Variants in KCNMA1 observed in about 807,000 individuals in gnomAD.
KCNMA1 encodes Calcium-activated potassium channel subunit alpha-1.
In KCNMA1, 29 loss-of-function variants were observed where a neutral mutation model predicts 140.0. That is an observed-to-expected ratio of 0.21 (90% CI 0.15 to 0.28). The LOEUF (loss-of-function observed/expected upper bound fraction) is 0.28, where lower values mean the gene tolerates loss of function less well. Among genes scored for constraint, KCNMA1 ranks in the 10% least tolerant of loss-of-function variants. The pLI, the probability that KCNMA1 is intolerant of heterozygous loss-of-function variation, is 1.00. For synonymous variants in KCNMA1, 612 were observed against 611.9 expected (o/e 1.00, Z 0.00); for missense variants, 880 against 1,602.2 (o/e 0.55, Z 7.70).
chr10:77,042,953 T>C (rs1457678590), intron 14 of KCNMA1, among the ~76,000 whole-genome samples: 1 of 152,240 alleles, frequency 6.6e-6, no homozygotes, highest in Non-Finnish European at 1.5e-5. Context: ...TATTTTTCTC[T>C]TTGCTAGAGA....
intron 1 of KCNMA1, chr10:77,587,813 T>A: frequency 1.0e-6 from 1 of 985,328 alleles, no homozygotes; most frequent in African/African-American, 1.7e-5. Context: ...GGGCCCCAGG[T>A]GGAGTTATCT....
In KCNMA1 at chr10:77,339,992, A is replaced by G. The variant is rs150964537; in HGVS notation, c.540+63870T>C. Among the ~76,000 whole-genome samples, 314 of 152,338 alleles carry G rather than the reference A, an allele frequency of 2.1e-3. 1 individual carries two copies. Among genetic ancestry groups the G allele is most frequent in the African/African-American group, 7.1e-3 (294 of 41,578 alleles). ...GATGTAGCAGCAGCACTAGTGCCAG[A>G]AACCCCTACATCTAGACTTCTACTT... is the stretch of plus-strand genomic sequence containing the variant. On this transcript the variant is annotated intron_variant, in intron 2 of 27. Transcript: ENST00000286628.
chr10:77,079,471 G>A lies in KCNMA1; in HGVS notation c.1593+10C>T, dbSNP rs200770082. 77 of 1,594,498 alleles carry A rather than the reference G, an allele frequency of 4.8e-5. No homozygotes were observed. Among genetic ancestry groups the A allele is most frequent in the Non-Finnish European group, 5.8e-5 (68 of 1,163,992 alleles). On this transcript the variant is annotated intron_variant, in intron 13 of 27. Coordinates refer to ENST00000286628, the MANE Select transcript of KCNMA1 (RefSeq NM_001161352.2). ...GTCTTCAGACCTGGAGCGGGCTCTC[G>A]CACTCCTACCTTGTTGTGATACTGC...
At chr10:77,439,162 GAAA>G (rs1326240497) in intron 1 of KCNMA1, among the ~76,000 whole-genome samples, 1 of 123,554 alleles carries the variant, frequency 8.1e-6, no homozygotes, top group South Asian at 2.8e-4. Context: ...GAGAAGAGAA[GAAA>G]AGAAAAGAGA....
intron 3 of KCNMA1, among the ~76,000 whole-genome samples, chr10:77,186,476 G>T (rs1482877249): frequency 2.6e-5 from 4 of 152,138 alleles, no homozygotes; most frequent in African/African-American, 4.8e-5. Context: ...GGAGACACAA[G>T]CAAGGAAGCC....
chr10:77,358,142 G>A (rs192971529), intron 2 of KCNMA1, among the ~76,000 whole-genome samples: 5 of 152,264 alleles, frequency 3.3e-5, no homozygotes, highest in Non-Finnish European at 7.4e-5. Flanking sequence ...AATCAGCTGA[G>A]AATCCTCCGT....
chr10:77,327,656 G>A (rs2084711966), intron 2 of KCNMA1, among the ~76,000 whole-genome samples: 1 of 152,060 alleles, frequency 6.6e-6, no homozygotes, highest in Non-Finnish European at 1.5e-5. Flanking sequence ...CGCCTGACCA[G>A]TATCAAATCT....
At chr10:77,380,892 T>A (rs928588872) in intron 2 of KCNMA1, among the ~76,000 whole-genome samples, 1 of 152,206 alleles carries the variant, frequency 6.6e-6, no homozygotes, top group Non-Finnish European at 1.5e-5. Context: ...GAAATGACTT[T>A]TCCATTTCCA....
intron 19 of KCNMA1, among the ~76,000 whole-genome samples, chr10:76,992,961 G>A (rs551288321): frequency 3.9e-5 from 6 of 152,324 alleles, no homozygotes; most frequent in African/African-American, 1.4e-4. Flanking sequence ...CCCCATCGAT[G>A]TAAGGAGACA....
At chr10:77,299,676 G>T (rs1030921379) in intron 2 of KCNMA1, among the ~76,000 whole-genome samples, 3 of 152,140 alleles carry the variant, frequency 2.0e-5, no homozygotes, top group African/African-American at 7.2e-5. Flanking sequence ...AACAAAGAGG[G>T]GGAAAGCCTG....
At chr10:76,896,960 G>T (rs574349918) in intron 25 of KCNMA1, among the ~76,000 whole-genome samples, 50 of 149,938 alleles carry the variant, frequency 3.3e-4, no homozygotes, top group Non-Finnish European at 6.8e-4. Flanking sequence ...AACTAAATTT[G>T]CACTGGCCAA....
intron 5 of KCNMA1, among the ~76,000 whole-genome samples, chr10:77,168,587 G>A (rs2098668763): frequency 6.6e-6 from 1 of 152,154 alleles, no homozygotes; most frequent in Non-Finnish European, 1.5e-5. Context: ...CATATTATAA[G>A]CTTATGGGAC....
intron 13 of KCNMA1, 131 bp downstream of exon 13, chr10:77,079,350 G>C: frequency 1.4e-6 from 1 of 712,596 alleles, no homozygotes; most frequent in Non-Finnish European, 2.6e-6. Context: ...TTTGAGTTGC[G>C]CACATGTGGG....
At chr10:77,555,717 G>A (rs185739418) in intron 1 of KCNMA1, among the ~76,000 whole-genome samples, 4 of 152,256 alleles carry the variant, frequency 2.6e-5, no homozygotes, top group Admixed American at 1.3e-4. Flanking sequence ...CAGAGAACAT[G>A]GTACAATACT....
At chr10:76,981,542 C>T (rs1442723881) in intron 19 of KCNMA1, among the ~76,000 whole-genome samples, 3 of 151,986 alleles carry the variant, frequency 2.0e-5, no homozygotes, top group Admixed American at 2.0e-4. Context: ...TGGGATTGAT[C>T]GGCGTGTGCA....
intron 2 of KCNMA1, among the ~76,000 whole-genome samples, chr10:77,342,782 C>T (rs1314864159): frequency 1.3e-5 from 2 of 152,180 alleles, no homozygotes; most frequent in Admixed American, 1.3e-4. Flanking sequence ...TGTGATTGGG[C>T]CCATCACGGG....
At chr10:77,196,914 T>G (rs913932065) in intron 3 of KCNMA1, among the ~76,000 whole-genome samples, 2 of 152,156 alleles carry the variant, frequency 1.3e-5, no homozygotes, top group Admixed American at 1.3e-4. Flanking sequence ...AAACAGATCC[T>G]GACAGTTGTG....
intron 19 of KCNMA1, among the ~76,000 whole-genome samples, chr10:76,990,529 C>A (rs1160915616): frequency 6.6e-6 from 1 of 152,198 alleles, no homozygotes; most frequent in Non-Finnish European, 1.5e-5. Flanking sequence ...CAGCAACCAG[C>A]CCCTTGCAAA....
chr10:77,386,701 T>A (rs893893617), intron 2 of KCNMA1, among the ~76,000 whole-genome samples: 7 of 152,224 alleles, frequency 4.6e-5, no homozygotes, highest in Admixed American at 1.3e-4. Context: ...ATGGAGATGA[T>A]AAACTCTTAG....
Sources: gnomAD v4.1 joint callset for allele counts (sites outside exome capture counted in the v4.1 genomes callset) on GRCh38, gnomAD v4.1.1 for gene constraint, MANE v1.5 for transcripts, NCBI Gene and HGNC (gene_info 2026-07-23, HGNC 2026-07-21) for gene names.